SLC4A5: variants seen among roughly 807,000 people sequenced by gnomAD.
SLC4A5 encodes the protein electrogenic sodium bicarbonate cotransporter 4.
Under a neutral mutation model 120.4 loss-of-function variants are expected in SLC4A5, and 96 were observed. The ratio of observed to expected loss-of-function variants is 0.80; its 90% CI spans 0.68 to 0.94. SLC4A5 has a LOEUF of 0.94. SLC4A5 is among the 40% of genes least tolerant of loss of function. The probability of loss-of-function intolerance (pLI) is 0.00; values close to 1 mark genes in which losing one functional copy is unlikely to be tolerated. For synonymous variants in SLC4A5, 550 were observed against 571.1 expected, an observed-to-expected ratio of 0.96 and a Z score of 0.53; for missense variants, 1,259 against 1,459.5, an observed-to-expected ratio of 0.86 and a Z score of 2.24.
At chr2:74,222,145 A>G (rs916954524) in intron 29 of SLC4A5, among the ~76,000 whole-genome samples, 1 of 152,050 alleles carries the variant, frequency 6.6e-6, no homozygotes, top group African/African-American at 2.4e-5. Flanking sequence ...TATGCTACCT[A>G]TTTCTCTAAA....
At chr2:74,237,320 G>A (rs982687150) in intron 21 of SLC4A5, among the ~76,000 whole-genome samples, 1 of 152,094 alleles carries the variant, frequency 6.6e-6, no homozygotes, top group Non-Finnish European at 1.5e-5. Context: ...AATGTTGTTG[G>A]CACAAGAATT....
intron 30 of SLC4A5, among the ~76,000 whole-genome samples, chr2:74,219,210 TGTG>T (rs1558861634): frequency 1.9e-4 from 21 of 112,334 alleles, no homozygotes; most frequent in Non-Finnish European, 3.2e-4. Flanking sequence ...TGTGTGTGTG[TGTG>T]TGTGTGTTTG....
rs567570817 is a variant in SLC4A5, at chr2:74,290,754, G to A, written c.272-4852C>T. 6 of 986,072 alleles carry A rather than the reference G, an allele frequency of 6.1e-6. No individual in the cohort carries two copies. The South Asian group carries it at 1.9e-4, about 31-fold the overall frequency. 61.1% of individuals were successfully genotyped at this position (986,072 alleles called of 1,614,324 possible). A position where few individuals can be genotyped will look rare whatever the true frequency, so the allele number is the denominator to read the frequency against. Reference sequence around the variant, plus strand: ...GCAGCAGAACCTCAAGCAGGAAGCCGGGTCTCCACAGCAGCAGGGGTGGTG... The same window carrying A: ...GCAGCAGAACCTCAAGCAGGAAGCCAGGTCTCCACAGCAGCAGGGGTGGTG... On this transcript the variant is annotated intron_variant, in intron 7 of 30. Coordinates refer to ENST00000394019, the Ensembl canonical transcript of SLC4A5.
intron 6 of SLC4A5, among the ~76,000 whole-genome samples, chr2:74,313,960 G>A (rs1402578357): frequency 2.0e-5 from 3 of 152,058 alleles, no homozygotes; most frequent in East Asian, 1.9e-4. Flanking sequence ...TCTGGGACTC[G>A]GTGAACTCAT....
intron 25 of SLC4A5, among the ~76,000 whole-genome samples, chr2:74,229,104 C>CTTTTTTTTTTTTTTTTTTTTTTTTTT (rs55689286): frequency 1.0e-5 from 1 of 98,590 alleles, no homozygotes; most frequent in Non-Finnish European, 1.8e-5. Flanking sequence ...TAGATTTGAG[C>CTTTTTTTTTTTTTTTTTTTTTTTTTT]TTTTTTTTTT....
chr2:74,324,730 G>C (rs968146407), intron 5 of SLC4A5, among the ~76,000 whole-genome samples: 2 of 151,940 alleles, frequency 1.3e-5, no homozygotes, highest in Non-Finnish European at 2.9e-5. Flanking sequence ...CTTAGGGGGA[G>C]ACTCCATGTC....
chr2:74,276,234 A>AT (rs1671635745), intron 8 of SLC4A5, among the ~76,000 whole-genome samples: 1 of 152,106 alleles, frequency 6.6e-6, no homozygotes, highest in South Asian at 2.1e-4. Flanking sequence ...AAAAGCCTAA[A>AT]ATATTTTCTG....
Position 74,255,176 on chromosome 2 carries a change from A to C in SLC4A5, c.1026-470T>G, listed in dbSNP as rs977391726. On this transcript the variant is annotated intron_variant, in intron 13 of 30. Transcript: ENST00000394019. The surrounding 1 kb of genome is among the most constrained non-coding windows in gnomAD (Gnocchi z 4.0). ...AACCCTATGTTTGCTTTGGAGGAAC[A>C]TTTCCTCTTCCCCTCCCATGAGGCT... Among the ~76,000 whole-genome samples, 4 of 151,700 alleles carry C rather than the reference A, an allele frequency of 2.6e-5. No individual in the cohort carries two copies. Among genetic ancestry groups the C allele is most frequent in the Admixed American group, 2.0e-4 (3 of 15,236 alleles).
At chr2:74,304,288 C>G (rs549444791) in intron 7 of SLC4A5, among the ~76,000 whole-genome samples, 1 of 152,176 alleles carries the variant, frequency 6.6e-6, no homozygotes, top group Non-Finnish European at 1.5e-5. Context: ...CAGAGAAAGA[C>G]AGGGTGTCAG....
chr2:74,273,632 A>G (rs1671543764), intron 8 of SLC4A5, among the ~76,000 whole-genome samples: 1 of 152,220 alleles, frequency 6.6e-6, no homozygotes, highest in African/African-American at 2.4e-5. Flanking sequence ...CAACAAATTC[A>G]TTTCTTAAAA....
At chr2:74,298,485 G>C (rs1205310861) in intron 7 of SLC4A5, among the ~76,000 whole-genome samples, 1 of 152,168 alleles carries the variant, frequency 6.6e-6, no homozygotes, top group Non-Finnish European at 1.5e-5. Context: ...GAAAACAGGA[G>C]AAAAGTTGTT....
intron 19 of SLC4A5, 130 bp downstream of exon 19, chr2:74,246,906 G>T: frequency 8.3e-7 from 1 of 1,198,724 alleles, no homozygotes; most frequent in African/African-American, 1.5e-5. Flanking sequence ...CCCTGTATTT[G>T]CTCTCTTGGA....
At chr2:74,232,940 G>A (rs1002805163) in intron 23 of SLC4A5, among the ~76,000 whole-genome samples, 6 of 152,194 alleles carry the variant, frequency 3.9e-5, no homozygotes, top group Non-Finnish European at 5.9e-5. Flanking sequence ...GGTCTTTGCG[G>A]TTCCTGAGGG....
At chr2:74,268,593 C>T (rs1671378048) in intron 8 of SLC4A5, among the ~76,000 whole-genome samples, 1 of 152,164 alleles carries the variant, frequency 6.6e-6, no homozygotes, top group African/African-American at 2.4e-5. Context: ...GTTCCTGCTC[C>T]ACAATTTCTT....
chr2:74,310,435 T>A (rs1223232769), intron 6 of SLC4A5, among the ~76,000 whole-genome samples: 6 of 152,140 alleles, frequency 3.9e-5, no homozygotes, highest in Non-Finnish European at 1.5e-5. Flanking sequence ...AGCTATAGGT[T>A]TTTTGTAGAT....
At chr2:74,233,587 G>A in intron 22 of SLC4A5, 24 bp from the exon 23 acceptor site, 1 of 1,593,726 alleles carries the variant, frequency 6.3e-7, no homozygotes, top group South Asian at 1.1e-5. Context: ...AACAGAGAGG[G>A]GCCCTTTCCT....
chr2:74,233,961 C>G (rs1010103699), intron 22 of SLC4A5, among the ~76,000 whole-genome samples: 1 of 152,158 alleles, frequency 6.6e-6, no homozygotes, highest in Non-Finnish European at 1.5e-5. Flanking sequence ...CCTGAGTCAC[C>G]TGTCTGGGAG....
chr2:74,258,233 C>T (rs1221011621), intron 12 of SLC4A5, among the ~76,000 whole-genome samples: 1 of 152,256 alleles, frequency 6.6e-6, no homozygotes, highest in East Asian at 1.9e-4. Context: ...AAAGAGCCTG[C>T]AGAGCAAATG....
chr2:74,233,638 C>T (rs1670173442), intron 22 of SLC4A5, 75 bp from the exon 23 acceptor site: 2 of 1,467,974 alleles, frequency 1.4e-6, no homozygotes, highest in Non-Finnish European at 1.8e-6. Context: ...GGCCTGCTGT[C>T]CCACCTCCTC....
Sources: allele counts gnomAD v4.1 joint callset (sites outside exome capture counted in the v4.1 genomes callset), GRCh38; gene constraint gnomAD v4.1.1; non-coding constraint Gnocchi (gnomAD v3.1); transcripts MANE v1.5; gene names NCBI Gene and HGNC (gene_info 2026-07-23, HGNC 2026-07-21).